PCDHGA3: variants seen among roughly 807,000 people sequenced by gnomAD.
PCDHGA3 encodes the protein protocadherin gamma-A3.
In PCDHGA3, 40 loss-of-function variants were observed where a neutral mutation model predicts 58.5. That is an observed-to-expected ratio of 0.68 (90% CI 0.53 to 0.89). The LOEUF (loss-of-function observed/expected upper bound fraction) is 0.89, where lower values mean the gene tolerates loss of function less well. Among genes scored for constraint, PCDHGA3 ranks in the 40% least tolerant of loss-of-function variants. The pLI, the probability that PCDHGA3 is intolerant of heterozygous loss-of-function variation, is 0.00. For synonymous variants in PCDHGA3, 530 were observed against 525.7 expected, an observed-to-expected ratio of 1.01 and a Z score of -0.11; for missense variants, 1,223 against 1,195.9, an observed-to-expected ratio of 1.02 and a Z score of -0.33.
chr5:141,474,654 T>C (rs2099352669), intron 1 of PCDHGA3, among the ~76,000 whole-genome samples: 1 of 152,250 alleles, frequency 6.6e-6, no homozygotes, highest in African/African-American at 2.4e-5. Context: ...CTTACTTCTT[T>C]TCTACCTACC....
At chr5:141,428,064 G>C in intron 1 of PCDHGA3, 1 of 1,609,060 alleles carries the variant, frequency 6.2e-7, no homozygotes, top group East Asian at 2.2e-5. Flanking sequence ...GGCGGTGGAC[G>C]CAGATTCGGG....
chr5:141,452,968 A>G (rs1028716079), intron 1 of PCDHGA3, among the ~76,000 whole-genome samples: 3 of 152,210 alleles, frequency 2.0e-5, no homozygotes, highest in Non-Finnish European at 4.4e-5. Flanking sequence ...AACTGAGGGT[A>G]TATTGTCAAA....
chr5:141,492,619 G>A lies in PCDHGA3; in HGVS notation c.2425-2188G>A, dbSNP rs778698501. ...GCGACTGCCGCTCTAAGTGCCGGGC[G>A]GGCAGGACTCTACGATCCTTGGGCC... On this transcript the variant is annotated intron_variant, in intron 1 of 3. Coordinates refer to ENST00000253812, the MANE Select transcript of PCDHGA3 (RefSeq NM_018916.4). 7.8e-4 allele frequency among the ~76,000 whole-genome samples: 118 copies of A among 152,234 alleles called. 1 individual carries two copies. The highest frequency in any genetic ancestry group is 3.3e-3 in the Admixed American group (51 of 15,282).
At chr5:141,444,434 G>A (rs761353277) in intron 1 of PCDHGA3, among the ~76,000 whole-genome samples, 16 of 152,196 alleles carry the variant, frequency 1.1e-4, no homozygotes, top group Admixed American at 7.2e-4. Flanking sequence ...GCCTCCCAAA[G>A]TGCTGGGATT....
intron 1 of PCDHGA3, chr5:141,383,187 C>T (rs572411306): frequency 6.2e-7 from 1 of 1,614,076 alleles, no homozygotes; most frequent in Non-Finnish European, 8.5e-7. Flanking sequence ...AAGAGATCTG[C>T]GCTCAGAGTG....
chr5:141,351,565 C>T (rs777094926), intron 1 of PCDHGA3: 4 of 1,614,044 alleles, frequency 2.5e-6, no homozygotes, highest in African/African-American at 1.3e-5. Context: ...CAAGCATCAC[C>T]CTGCACATCT....
chr5:141,350,097 G>A (rs895665070), intron 1 of PCDHGA3: 15 of 470,386 alleles, frequency 3.2e-5, no homozygotes, highest in Non-Finnish European at 4.6e-5. Context: ...GTCAGGCAGG[G>A]TGCCTTCCTG....
chr5:141,364,815 TG>T (rs777714340), intron 1 of PCDHGA3: 64 of 1,613,880 alleles, frequency 4.0e-5, no homozygotes, highest in Non-Finnish European at 2.5e-6. Flanking sequence ...GATGCGGATG[TG>T]GGTGTGAACT....
intron 1 of PCDHGA3, chr5:141,468,586 G>C (rs1232477889): frequency 1.3e-5 from 2 of 152,176 alleles, no homozygotes; most frequent in East Asian, 1.9e-4. Context: ...GGTACTAAAG[G>C]CTGGGCGCGG....
At chr5:141,435,614 C>T (rs1274100711) in intron 1 of PCDHGA3, among the ~76,000 whole-genome samples, 1 of 152,056 alleles carries the variant, frequency 6.6e-6, no homozygotes, top group Non-Finnish European at 1.5e-5. Context: ...ACATTAAATT[C>T]CCCATAACTT....
rs759614857 is a variant in PCDHGA3, at chr5:141,345,623, A to C, written c.1590A>C (p.Leu530=). ...ACGAGCAATTTAGAGACTTAAAGCT[A>C]CTGGTGACAGCCAGCGACAGCGGGA... is the stretch of plus-strand genomic sequence containing the variant. ...FDYEQFRDLK[L]LVTASDSGNP... The change falls in exon 1 of 4, where the codon CTA becomes CTC. Residue 530 remains leucine (L), a synonymous_variant. Coordinates refer to ENST00000253812, the MANE Select transcript of PCDHGA3 (RefSeq NM_018916.4). The C allele has an allele frequency of 6.2e-7, 1 of 1,614,150 alleles. No homozygotes were observed. Among genetic ancestry groups the C allele is most frequent in the South Asian group, 1.1e-5 (1 of 91,076 alleles).
In PCDHGA3 at chr5:141,490,410, T is replaced by C. The variant is rs2099699827; in HGVS notation, c.2425-4397T>C. ...ATGGTGAAGTGAGCCTTGATATCTC[T>C]CCGGACCTGCCATTTCAGATTAAGC... On this transcript the variant is annotated intron_variant, in intron 1 of 3. Coordinates refer to ENST00000253812, the MANE Select transcript of PCDHGA3 (RefSeq NM_018916.4). The surrounding 1 kb of genome is among the most constrained non-coding windows in gnomAD (Gnocchi z 5.4). 1 of 1,614,172 alleles carries C rather than the reference T, an allele frequency of 6.2e-7. No individual in the cohort carries two copies. Among genetic ancestry groups the C allele is most frequent in the Non-Finnish European group, 8.5e-7 (1 of 1,180,042 alleles).
intron 1 of PCDHGA3, chr5:141,404,948 G>A (rs756928954): frequency 3.1e-6 from 5 of 1,613,838 alleles, no homozygotes; most frequent in African/African-American, 1.3e-5. Flanking sequence ...AGCCATAGCT[G>A]ACAGCATCCC....
intron 1 of PCDHGA3, chr5:141,362,632 T>A: frequency 1.3e-6 from 2 of 1,490,270 alleles, no homozygotes; most frequent in Non-Finnish European, 1.8e-6. Context: ...CCACTGCGTA[T>A]TTCTTTGTCT....
Position 141,364,550 on chromosome 5 carries a change from C to A in PCDHGA3, c.2424+18093C>A, listed in dbSNP as rs1257524038. On this transcript the variant is annotated intron_variant, in intron 1 of 3. Coordinates refer to ENST00000253812, the MANE Select transcript of PCDHGA3 (RefSeq NM_018916.4). ...CATCGTCTCCAGAGGTAGGACGCAG[C>A]TTTTTGCCCTGAACCCGCGAAGCGG... The A allele has an allele frequency of 3.1e-6, 5 of 1,613,922 alleles. No homozygotes were observed. The Admixed American group carries it at 5.0e-5, about 16-fold the overall frequency.
In PCDHGA3 at chr5:141,476,477, G is replaced by T. The variant is rs768824553; in HGVS notation, c.2425-18330G>T. The T allele has an allele frequency of 1.9e-6, 3 of 1,614,078 alleles. No homozygotes were observed. The highest frequency in any genetic ancestry group is 1.7e-5 in the Admixed American group (1 of 60,016). Reference sequence around the variant, plus strand: ...GGAGAACCCGCTGGAGCTGTTCAGCGTGGAAGTGGTGATCCAGGACATCAA... The same window carrying T: ...GGAGAACCCGCTGGAGCTGTTCAGCTTGGAAGTGGTGATCCAGGACATCAA... On this transcript the variant is annotated intron_variant, in intron 1 of 3. Coordinates refer to ENST00000253812, the MANE Select transcript of PCDHGA3 (RefSeq NM_018916.4). This position sits in a 1 kb window ranked among gnomAD's most constrained non-coding sequence, Gnocchi z 7.6.
chr5:141,486,421 G>A lies in PCDHGA3; in HGVS notation c.2425-8386G>A, dbSNP rs772631503. ...TGACTGCTGGACCCTTGGATCGAGA[G>A]GCCAAATCTAGCTATGACATCATGG... On this transcript the variant is annotated intron_variant, in intron 1 of 3. Coordinates refer to ENST00000253812, the MANE Select transcript of PCDHGA3 (RefSeq NM_018916.4). This position sits in a 1 kb window ranked among gnomAD's most constrained non-coding sequence, Gnocchi z 5.0. 2.5e-6 allele frequency: 4 copies of A among 1,614,152 alleles called. No homozygotes were observed. In the East Asian group the frequency reaches 6.7e-5, roughly 27 times the overall value.
chr5:141,481,871 G>T (rs372191396), intron 1 of PCDHGA3, among the ~76,000 whole-genome samples: 1 of 144,788 alleles, frequency 6.9e-6, no homozygotes, highest in Non-Finnish European at 1.5e-5. Context: ...CCGAGATCGC[G>T]CCACTGCACT....
At chr5:141,395,586 G>C (rs1222744910) in intron 1 of PCDHGA3, 1 of 169,736 alleles carries the variant, frequency 5.9e-6, no homozygotes, top group African/African-American at 2.8e-5. Context: ...GTGTGTGTGT[G>C]TGTGTATCCC....
Sources: gnomAD v4.1 joint callset for allele counts (sites outside exome capture counted in the v4.1 genomes callset) on GRCh38, gnomAD v4.1.1 for gene constraint, Gnocchi (gnomAD v3.1) non-coding constraint, MANE v1.5 for transcripts, NCBI Gene and HGNC (gene_info 2026-07-23, HGNC 2026-07-21) for gene names.